Variants in KLHL32 observed in about 807,000 individuals in gnomAD.
KLHL32 encodes the protein kelch like family member 32, also known as kelch-like protein 32.
Under a neutral mutation model 64.8 loss-of-function variants are expected in KLHL32, and 35 were observed. The observed-to-expected ratio is 0.54, with a 90% CI of 0.41 to 0.72. The LOEUF (loss-of-function observed/expected upper bound fraction) is 0.72, where lower values mean the gene tolerates loss of function less well. Among genes scored for constraint, KLHL32 ranks in the 30% least tolerant of loss-of-function variants. KLHL32 has a pLI of 0.00. For missense variants in KLHL32, 589 were observed against 768.5 expected (o/e 0.77, Z 2.76); for synonymous variants, 259 against 281.0 (o/e 0.92, Z 0.78).
chr6:97,032,349 T>C (rs1300730083), intron 3 of KLHL32, among the ~76,000 whole-genome samples: 1 of 152,200 alleles, frequency 6.6e-6, no homozygotes, highest in East Asian at 1.9e-4. Flanking sequence ...ATTACCAATA[T>C]GGTGTTCCTT....
At chr6:97,094,276 A>G (rs1794662767) in intron 6 of KLHL32, among the ~76,000 whole-genome samples, 1 of 152,150 alleles carries the variant, frequency 6.6e-6, no homozygotes, top group Non-Finnish European at 1.5e-5. Flanking sequence ...GAGAGGATGT[A>G]AATTTACTTA....
the KLHL32 span, among the ~76,000 whole-genome samples, chr6:96,904,918 G>T: frequency 1.3e-5 from 2 of 151,786 alleles, no homozygotes; most frequent in Non-Finnish European, 2.9e-5. Context: ...TTTTCCCCTT[G>T]CTCTCCATTC....
the KLHL32 span, among the ~76,000 whole-genome samples, chr6:96,914,004 T>C: frequency 6.6e-6 from 1 of 152,174 alleles, no homozygotes; most frequent in Non-Finnish European, 1.5e-5. Context: ...ATGAGAACCG[T>C]CCTTAAAAGT....
At chr6:97,027,189 G>A (rs992029954) in intron 3 of KLHL32, among the ~76,000 whole-genome samples, 6 of 151,438 alleles carry the variant, frequency 4.0e-5, no homozygotes, top group East Asian at 1.9e-4. Context: ...AAAAAGAAAA[G>A]GGATAACAGA....
At chr6:97,083,704 T>C (rs932816764) in intron 5 of KLHL32, among the ~76,000 whole-genome samples, 1 of 152,266 alleles carries the variant, frequency 6.6e-6, no homozygotes, top group Non-Finnish European at 1.5e-5. Flanking sequence ...TTCCATACTT[T>C]GTATTTCTGA....
At chr6:96,961,597 G>A (rs940218962) in intron 1 of KLHL32, among the ~76,000 whole-genome samples, 1 of 151,992 alleles carries the variant, frequency 6.6e-6, no homozygotes, top group African/African-American at 2.4e-5. Flanking sequence ...AATGTGCAGG[G>A]CCAGGGAAAT....
intron 3 of KLHL32, among the ~76,000 whole-genome samples, chr6:96,992,922 T>C (rs952238578): frequency 1.3e-5 from 2 of 152,246 alleles, no homozygotes; most frequent in African/African-American, 4.8e-5. Flanking sequence ...ACTTAAGCTG[T>C]GTGCTCTGCT....
chr6:97,084,460 G>C (rs1028698473), intron 5 of KLHL32, among the ~76,000 whole-genome samples: 4 of 152,218 alleles, frequency 2.6e-5, no homozygotes, highest in African/African-American at 9.6e-5. Flanking sequence ...TCTTCAAAAA[G>C]GTGGGAAGAA....
rs542533315 is a variant in KLHL32, at chr6:97,105,890, A to G, written c.628-7893A>G. Among the ~76,000 whole-genome samples the G allele has an allele frequency of 9.2e-5, 14 of 152,348 alleles. No individual in the cohort carries two copies. The East Asian group carries it at 2.5e-3, about 27-fold the overall frequency. ...TTTTTAAGGGCACTTGTATTTATAT[A>G]TATTTGCAAGATATAAAGACAGTTC... is the stretch of plus-strand genomic sequence containing the variant. On this transcript the variant is annotated intron_variant, in intron 6 of 10. Transcript: ENST00000369261.
intron 3 of KLHL32, chr6:97,010,411 T>TGTGTA (rs1780250176): frequency 3.9e-5 from 6 of 152,238 alleles, no homozygotes; most frequent in Non-Finnish European, 5.9e-5. Context: ...CCCTGGACTT[T>TGTGTA]GCAGATAATA....
At chr6:97,108,339 C>A (rs1490505846) in intron 6 of KLHL32, among the ~76,000 whole-genome samples, 1 of 152,104 alleles carries the variant, frequency 6.6e-6, no homozygotes, top group Non-Finnish European at 1.5e-5. Flanking sequence ...ATTTTAAAAG[C>A]CACCAGTTCC....
chr6:97,071,519 A>G (rs1243258873), intron 5 of KLHL32, among the ~76,000 whole-genome samples: 1 of 151,294 alleles, frequency 6.6e-6, no homozygotes, highest in African/African-American at 2.4e-5. Flanking sequence ...AGGGTTACTG[A>G]CTCCAGCCCT....
At chr6:97,050,218 T>G (rs1394546392) in intron 4 of KLHL32, among the ~76,000 whole-genome samples, 1 of 152,172 alleles carries the variant, frequency 6.6e-6, no homozygotes, top group African/African-American at 2.4e-5. Flanking sequence ...CCCAAATAAT[T>G]TATAAATTTA....
chr6:96,984,499 G>A (rs182344217), intron 3 of KLHL32, among the ~76,000 whole-genome samples: 25 of 152,280 alleles, frequency 1.6e-4, no homozygotes, highest in African/African-American at 5.1e-4. Context: ...CATTATTATT[G>A]TGTGGGAGTC....
At chr6:97,070,909 A>C (rs908605449) in intron 5 of KLHL32, among the ~76,000 whole-genome samples, 1 of 152,072 alleles carries the variant, frequency 6.6e-6, no homozygotes, top group Non-Finnish European at 1.5e-5. Flanking sequence ...TGAGATATTT[A>C]TTCTCCCACC....
intron 3 of KLHL32, among the ~76,000 whole-genome samples, chr6:96,998,056 C>T (rs934342688): frequency 1.3e-5 from 2 of 152,136 alleles, no homozygotes; most frequent in African/African-American, 4.8e-5. Flanking sequence ...TTTTTGCTTC[C>T]AGCCCCCAAG....
At chr6:97,095,498 C>A (rs1453618213) in intron 6 of KLHL32, among the ~76,000 whole-genome samples, 1 of 152,166 alleles carries the variant, frequency 6.6e-6, no homozygotes, top group Non-Finnish European at 1.5e-5. Context: ...TAGGCACCTA[C>A]CCAAATTGGC....
intron 3 of KLHL32, among the ~76,000 whole-genome samples, chr6:96,978,092 G>C (rs929213182): frequency 4.6e-5 from 7 of 151,920 alleles, no homozygotes; most frequent in African/African-American, 1.5e-4. Flanking sequence ...TAGCCTTCTT[G>C]GTGTTAACTT....
At chr6:96,931,946 A>G (rs1769937766) in intron 1 of KLHL32, among the ~76,000 whole-genome samples, 1 of 152,170 alleles carries the variant, frequency 6.6e-6, no homozygotes. Context: ...AGCAATAGTT[A>G]TGGTTATTAT....
Sources: allele counts gnomAD v4.1 joint callset (sites outside exome capture counted in the v4.1 genomes callset), GRCh38; gene constraint gnomAD v4.1.1; transcripts MANE v1.5; gene names NCBI Gene and HGNC (gene_info 2026-07-23, HGNC 2026-07-21).